The following DOP1B variants were observed in gnomAD, a reference collection of about 807,000 sequenced individuals.
DOP1B encodes the protein DOP1 leucine zipper like protein B, also known as protein DOP1B.
A neutral mutation model predicts 233.5 loss-of-function variants in DOP1B; 174 were observed. The observed-to-expected ratio is 0.75, with a 90% confidence interval of 0.66 to 0.85. DOP1B has a LOEUF of 0.85. Ranked by LOEUF, DOP1B falls within the 40% of genes least tolerant of loss-of-function variation. The probability of loss-of-function intolerance (pLI) is 0.00; values close to 1 mark genes in which losing one functional copy is unlikely to be tolerated. For missense variants in DOP1B, 2,652 were observed against 2,846.6 expected, an observed-to-expected ratio of 0.93 and a Z score of 1.56; for synonymous variants, 1,190 against 1,185.6, an observed-to-expected ratio of 1.00 and a Z score of -0.08.
In DOP1B at chr21:36,271,302, G is replaced by A. The variant is rs1249652760; in HGVS notation, c.5632+1145G>A. On this transcript the variant is annotated intron_variant, in intron 27 of 36. Coordinates refer to ENST00000691173, the MANE Select transcript of DOP1B (RefSeq NM_001320714.2). The stretch of plus-strand genomic sequence containing the variant: ...GTTCACCCAGGTTGGAGTTCACCCA[G>A]GTTGGAGTTCACCCAGGTTGGAGTG... Among the ~76,000 whole-genome samples, 2 of 151,150 alleles carry A rather than the reference G, an allele frequency of 1.3e-5. 1 individual carries two copies. Among genetic ancestry groups the A allele is most frequent in the African/African-American group, 4.9e-5 (2 of 40,898 alleles).
At chr21:36,286,167 A>G (rs2067481670) in intron 32 of DOP1B, among the ~76,000 whole-genome samples, 1 of 152,112 alleles carries the variant, frequency 6.6e-6, no homozygotes, top group African/African-American at 2.4e-5. Context: ...GAGTGACATC[A>G]GTCTTACGTC....
At chr21:36,202,755 C>T (rs112698040) in intron 4 of DOP1B, among the ~76,000 whole-genome samples, 32 of 152,306 alleles carry the variant, frequency 2.1e-4, no homozygotes, top group African/African-American at 4.6e-4. Flanking sequence ...GAATCTGTCT[C>T]GTTGCGGTTT....
chr21:36,283,836 C>T (rs7279231), intron 32 of DOP1B, among the ~76,000 whole-genome samples: 96,710 of 151,556 alleles, frequency 0.64, 31,313 homozygotes, highest in African/African-American at 0.75. Context: ...AAGCAGTAAG[C>T]CTACTTTCTC....
In DOP1B at chr21:36,212,836, C is replaced by T. The variant is rs542242344; in HGVS notation, c.904+739C>T. Among the ~76,000 whole-genome samples, 9 of 152,324 alleles carry T rather than the reference C, an allele frequency of 5.9e-5. No individual in the cohort carries two copies. In the East Asian group the frequency reaches 1.7e-3, roughly 29 times the overall value. On this transcript the variant is annotated intron_variant, in intron 7 of 36. Coordinates refer to ENST00000691173, the MANE Select transcript of DOP1B (RefSeq NM_001320714.2). The stretch of plus-strand genomic sequence containing the variant: ...TCACTCCGTCGCCCAGACTGGAGTG[C>T]AGTGGTGCAATCTCAGCTCACTACA...
rs140431407 is a variant in DOP1B, at chr21:36,237,272, G to A, written c.2633G>A (p.Arg878His). 30 of 1,614,104 alleles carry A rather than the reference G, an allele frequency of 1.9e-5. No individual in the cohort carries two copies. The highest frequency in any genetic ancestry group is 2.2e-5 in the East Asian group (1 of 44,870). Reference sequence around the variant, plus strand: ...TTTTCCTTGTCCCAGAGGGTGGCTCGTGTGCTTTGGAATCAGCTGAACAAA... The same window carrying A: ...TTTTCCTTGTCCCAGAGGGTGGCTCATGTGCTTTGGAATCAGCTGAACAAA... ...EKTDFYQRVA[R>H]VLWNQLNKET... The change falls in exon 16 of 37, where the codon CGT (arginine) becomes CAT (histidine). Residue 878 changes from arginine (R) to histidine (H), a missense_variant. By Grantham distance (29) the Arg-to-His change is conservative. Transcript: ENST00000691173.
intron 11 of DOP1B, among the ~76,000 whole-genome samples, chr21:36,224,458 G>C (rs1482676611): frequency 6.6e-6 from 1 of 151,714 alleles, no homozygotes; most frequent in East Asian, 1.9e-4. Context: ...GGGATTACAG[G>C]CATGAGCCGC....
chr21:36,192,419 G>A (rs2066244001), intron 2 of DOP1B, among the ~76,000 whole-genome samples: 2 of 143,708 alleles, frequency 1.4e-5, no homozygotes, highest in Admixed American at 7.1e-5. Flanking sequence ...GACAAGAGTC[G>A]CCCAGGCTGG....
At chr21:36,207,018 C>CA (rs1310534290) in intron 4 of DOP1B, among the ~76,000 whole-genome samples, 1 of 151,998 alleles carries the variant, frequency 6.6e-6, no homozygotes, top group Non-Finnish European at 1.5e-5. Context: ...GAAGGAAATA[C>CA]AAAAAAATTA....
At chr21:36,268,168 A>T (rs1162904535) in intron 26 of DOP1B, among the ~76,000 whole-genome samples, 2 of 152,094 alleles carry the variant, frequency 1.3e-5, no homozygotes, top group Non-Finnish European at 2.9e-5. Context: ...GGCGTATCTC[A>T]GTCCTTATCT....
chr21:36,176,097 C>CGTGTGCGTATGTGT (rs375729449), intron 2 of DOP1B, among the ~76,000 whole-genome samples: 5 of 141,744 alleles, frequency 3.5e-5, no homozygotes, highest in Non-Finnish European at 6.3e-5. Flanking sequence ...GGTGTGTGTG[C>CGTGTGCGTATGTGT]GTGTGTGTGT....
intron 28 of DOP1B, 50 bp downstream of exon 28, chr21:36,277,150 G>A (rs371391735): frequency 1.2e-5 from 19 of 1,584,774 alleles, no homozygotes; most frequent in Middle Eastern, 1.7e-4. Flanking sequence ...GCGCCATCAC[G>A]AATTGTTGCA....
intron 18 of DOP1B, among the ~76,000 whole-genome samples, chr21:36,243,955 T>C (rs930689540): frequency 3.3e-5 from 5 of 151,454 alleles, no homozygotes; most frequent in Non-Finnish European, 7.4e-5. Context: ...TCCTCCTACC[T>C]TGGTCTCCCA....
intron 1 of DOP1B, among the ~76,000 whole-genome samples, chr21:36,158,001 G>C (rs2065835246): frequency 6.6e-6 from 1 of 151,778 alleles, no homozygotes; most frequent in South Asian, 2.1e-4. Context: ...GTCTCATTAT[G>C]TTGCCCAGTC....
At chr21:36,283,901 C>T (rs1406406261) in intron 32 of DOP1B, among the ~76,000 whole-genome samples, 1 of 148,656 alleles carries the variant, frequency 6.7e-6, no homozygotes, top group East Asian at 2.0e-4. Context: ...ATAACCCTTT[C>T]AGTGCCTTTT....
intron 23 of DOP1B, among the ~76,000 whole-genome samples, chr21:36,255,813 C>T (rs2123618853): frequency 6.6e-6 from 1 of 152,282 alleles, no homozygotes; most frequent in East Asian, 1.9e-4. Flanking sequence ...GAGATTTCAT[C>T]TGGCTGCTGT....
chr21:36,239,193 T>C (rs2066862978), intron 17 of DOP1B, among the ~76,000 whole-genome samples: 1 of 152,136 alleles, frequency 6.6e-6, no homozygotes, highest in South Asian at 2.1e-4. Flanking sequence ...GCCAGACACA[T>C]GTGAACACAT....
chr21:36,199,049 T>C, intron 2 of DOP1B, 21 bp from the exon 3 acceptor site: 1 of 1,601,498 alleles, frequency 6.2e-7, no homozygotes, highest in Non-Finnish European at 8.5e-7. Context: ...CCTCATGTGT[T>C]TTTTTTGTCT....
rs915713281 is a variant in DOP1B at position 36,227,852 on chromosome 21, A to G, written c.1640A>G (p.Asp547Gly). ...SKVQMPPSYL[D>G]TESTSGTSSP... ...GTCCAGATGCCTCCTTCCTACCTCG[A>G]CACGGAGTCCACCAGCGGAACCTCG... Residue 547 changes from aspartate (D) to glycine (G), a missense_variant, in exon 13 of 37, where the codon GAC becomes GGC. Asp to Gly is a moderately conservative substitution (Grantham distance 94, BLOSUM62 -1). Coordinates refer to ENST00000691173, the MANE Select transcript of DOP1B (RefSeq NM_001320714.2). 6.2e-7 allele frequency: 1 copy of G among 1,604,774 alleles called. No individual in the cohort carries two copies. The highest frequency in any genetic ancestry group is 1.3e-5 in the African/African-American group (1 of 74,848).
At chr21:36,218,389 G>A (rs2066584725) in intron 9 of DOP1B, among the ~76,000 whole-genome samples, 1 of 152,074 alleles carries the variant, frequency 6.6e-6, no homozygotes, top group Non-Finnish European at 1.5e-5. Flanking sequence ...TGGGCGTGGT[G>A]GCACACACCT....
Sources: allele counts gnomAD v4.1 joint callset (sites outside exome capture counted in the v4.1 genomes callset), GRCh38; gene constraint gnomAD v4.1.1; transcripts MANE v1.5; gene names NCBI Gene and HGNC (gene_info 2026-07-23, HGNC 2026-07-21).